Variants in ADCY3 observed in about 807,000 individuals in gnomAD.
ADCY3 encodes adenylate cyclase type 3.
Under a neutral mutation model 119.4 loss-of-function variants are expected in ADCY3, and 70 were observed. The observed-to-expected ratio is 0.59, with a 90% CI of 0.48 to 0.72. The LOEUF (loss-of-function observed/expected upper bound fraction) is 0.72, where lower values mean the gene tolerates loss of function less well. Ranked by LOEUF, ADCY3 falls within the 30% of genes least tolerant of loss-of-function variation. ADCY3 has a pLI of 0.00. For missense variants in ADCY3, 1,238 were observed against 1,541.6 expected, an observed-to-expected ratio of 0.80 and a Z score of 3.30; for synonymous variants, 672 against 621.4, an observed-to-expected ratio of 1.08 and a Z score of -1.21.
intron 3 of ADCY3, among the ~76,000 whole-genome samples, chr2:24,855,064 TAATAA>T (rs1452949440): frequency 6.6e-6 from 1 of 151,892 alleles, no homozygotes; most frequent in African/African-American, 2.4e-5. Context: ...CAAATAAAAA[TAATAA>T]AATAAAATGA....
chr2:24,827,977 G>A lies in ADCY3; in HGVS notation c.2357C>T (p.Ala786Val). Residue 786 changes from alanine to valine, a missense_variant, in exon 14 of 22, where the codon GCC becomes GTC. Transcript: ENST00000679454. ...KLTLMLLVAG[A>V]VATINLYAWR... ...GGCATAGAGGTTGATGGTGGCCACG[G>A]CGCCTGCGACGAGCAGCATGAGCGT... The A allele has an allele frequency of 6.2e-7, 1 of 1,614,252 alleles. No individual in the cohort carries two copies. The highest frequency in any genetic ancestry group is 8.5e-7 in the Non-Finnish European group (1 of 1,180,044).
chr2:24,825,315 T>G (rs1668421896), intron 16 of ADCY3, among the ~76,000 whole-genome samples: 1 of 117,002 alleles, frequency 8.5e-6, no homozygotes, highest in Admixed American at 8.1e-5. Flanking sequence ...TTTTGTCCGG[T>G]TGAGTGCGGT....
chr2:24,892,684 T>C (rs563841095), intron 2 of ADCY3, among the ~76,000 whole-genome samples: 8 of 152,234 alleles, frequency 5.3e-5, no homozygotes, highest in Non-Finnish European at 8.8e-5. Context: ...GCTTTGTCAT[T>C]AGGTGCATAC....
At chr2:24,832,411 A>G (rs1669720545) in intron 11 of ADCY3, among the ~76,000 whole-genome samples, 1 of 152,106 alleles carries the variant, frequency 6.6e-6, no homozygotes, top group South Asian at 2.1e-4. Flanking sequence ...CCGGGGGCTA[A>G]GAGTCTGCCT....
At position 24,918,424 on chromosome 2, in the gene ADCY3, G is replaced by A; in HGVS notation, c.564C>T (p.Ser188=). 1.2e-6 allele frequency: 2 copies of A among 1,613,992 alleles called. No individual in the cohort carries two copies. The highest frequency in any genetic ancestry group is 8.5e-7 in the Non-Finnish European group (1 of 1,180,036). ...SFFITLPLSL[S]PIVIISVVSC... is the part of the protein sequence containing the mutation. Reference sequence around the variant, plus strand: ...AGACCACGGAGATGATCACGATGGGGCTGAGGCTGAGGGGCAGCGTGATGA... The same window carrying A: ...AGACCACGGAGATGATCACGATGGGACTGAGGCTGAGGGGCAGCGTGATGA... Residue 188 remains serine (S), a synonymous_variant, in exon 2 of 22, where the codon AGC becomes AGT. Coordinates refer to ENST00000679454, the MANE Select transcript of ADCY3 (RefSeq NM_004036.5). The surrounding 1 kb of genome is among the most constrained non-coding windows in gnomAD (Gnocchi z 5.4).
chr2:24,871,730 G>C (rs1434750316), intron 3 of ADCY3, among the ~76,000 whole-genome samples: 1 of 152,252 alleles, frequency 6.6e-6, no homozygotes, highest in Non-Finnish European at 1.5e-5. Context: ...TATTGAGTTT[G>C]TTTTTGAAGG....
In ADCY3 at chr2:24,853,008, GTGTGTGTGTGTGTGTGTGTGTGTGTGTGT is replaced by G. The variant is rs1672541331; in HGVS notation, c.826-10653_826-10625del. Among the ~76,000 whole-genome samples the G allele has an allele frequency of 1.6e-3, 139 of 87,592 alleles. 1 individual carries two copies. The highest frequency in any genetic ancestry group is 4.3e-3 in the Admixed American group (28 of 6,498). 57.5% of individuals were successfully genotyped at this position (87,592 alleles called of 152,430 possible). A position where few individuals can be genotyped will look rare whatever the true frequency, so the allele number is the denominator to read the frequency against. ...TGAAGGAAAGGAACAGCTGGAGGGT[GTGTGTGTGTGTGTGTGTGTGTGTGTGTGT>G]GTGTGTGTGTGTGTGTGTGTGTGTG... On this transcript the variant is annotated intron_variant, in intron 3 of 21. Coordinates refer to ENST00000679454, the MANE Select transcript of ADCY3 (RefSeq NM_004036.5).
intron 2 of ADCY3, among the ~76,000 whole-genome samples, chr2:24,874,200 C>T (rs923865455): frequency 5.3e-5 from 8 of 152,190 alleles, no homozygotes; most frequent in Non-Finnish European, 1.0e-4. Flanking sequence ...GGGCCCGTTG[C>T]GTGACGAATC....
intron 16 of ADCY3, 95 bp downstream of exon 16, chr2:24,825,950 T>TC (rs1668559676): frequency 9.8e-6 from 12 of 1,218,568 alleles, no homozygotes; most frequent in Non-Finnish European, 1.4e-5. Context: ...GAAGCCCCAT[T>TC]CCTTAGGAGC....
chr2:24,880,464 G>T (rs1444120704), intron 2 of ADCY3, among the ~76,000 whole-genome samples: 1 of 152,218 alleles, frequency 6.6e-6, no homozygotes, highest in Non-Finnish European at 1.5e-5. Flanking sequence ...CTATTTCAGG[G>T]ATCCAAGGCT....
chr2:24,853,500 C>T (rs573625710), intron 3 of ADCY3, among the ~76,000 whole-genome samples: 25 of 128,608 alleles, frequency 1.9e-4, no homozygotes, highest in Non-Finnish European at 3.8e-4. Context: ...GAGATGGCAT[C>T]GCTCTGTCAC....
chr2:24,919,077 A>G lies in ADCY3; in HGVS notation c.-90T>C. The G allele has an allele frequency of 7.3e-7, 1 of 1,366,228 alleles. No homozygotes were observed. Among genetic ancestry groups the G allele is most frequent in the Non-Finnish European group, 9.7e-7 (1 of 1,030,470 alleles). 84.6% of individuals were successfully genotyped at this position (1,366,228 alleles called of 1,614,324 possible). On this transcript the variant is annotated 5_prime_UTR_variant, in exon 2 of 22. Coordinates refer to ENST00000679454, the MANE Select transcript of ADCY3 (RefSeq NM_004036.5). The surrounding 1 kb of genome is among the most constrained non-coding windows in gnomAD (Gnocchi z 5.5). The stretch of plus-strand genomic sequence containing the variant: ...GGGCCTCCTCTCAGGGCTCTCTGAG[A>G]CCGGGGGAGGGCTGAGGGCCTCTTC...
chr2:24,855,740 C>T (rs1672919143), intron 3 of ADCY3, among the ~76,000 whole-genome samples: 1 of 152,200 alleles, frequency 6.6e-6, no homozygotes, highest in Non-Finnish European at 1.5e-5. Flanking sequence ...GCACCCAGGC[C>T]TGCAGTGGGG....
chr2:24,873,876 G>C (rs1675326658), intron 2 of ADCY3, among the ~76,000 whole-genome samples: 1 of 152,236 alleles, frequency 6.6e-6, no homozygotes, highest in African/African-American at 2.4e-5. Flanking sequence ...GTTTGGAGTT[G>C]AGAAATGAGA....
chr2:24,914,970 C>G (rs1210806459), intron 2 of ADCY3, among the ~76,000 whole-genome samples: 2 of 152,208 alleles, frequency 1.3e-5, no homozygotes, highest in Non-Finnish European at 2.9e-5. Flanking sequence ...TGGCCTCCTG[C>G]GAGGAGCCCA....
At chr2:24,910,678 G>A (rs975298830) in intron 2 of ADCY3, among the ~76,000 whole-genome samples, 550 of 53,724 alleles carry the variant, frequency 0.01, 4 homozygotes, top group African/African-American at 0.035. Context: ...TTTTTTTTTT[G>A]TGAGACAGAG....
chr2:24,836,939 T>G lies in ADCY3; in HGVS notation c.1640A>C (p.Lys547Thr). The G allele has an allele frequency of 6.2e-7, 1 of 1,613,478 alleles. No individual in the cohort carries two copies. The highest frequency in any genetic ancestry group is 8.5e-7 in the Non-Finnish European group (1 of 1,179,990). ...SAHSSGSTSE[K>T]PEEQDAQADN... Reference sequence around the variant, plus strand: ...TACCTGGGCATCCTGCTCCTCGGGCTTCTCCGACGTGGACCCACTGCTGTG... The same window carrying G: ...TACCTGGGCATCCTGCTCCTCGGGCGTCTCCGACGTGGACCCACTGCTGTG... Residue 547 changes from lysine (K) to threonine (T), a missense_variant, in exon 9 of 22, where the codon AAG becomes ACG. Transcript: ENST00000679454.
chr2:24,820,781 G>A lies in ADCY3; in HGVS notation c.3195C>T (p.Gly1065=). The change falls in exon 21 of 22, where the codon GGC becomes GGT. Residue 1065 remains glycine, a synonymous_variant. Transcript: ENST00000679454. The stretch of plus-strand genomic sequence containing the variant: ...TCCTGCTGGCTACATTGACTGTATT[G>A]CCCCAGATGTCGTAGTGTGGTTTCC... The part of the protein sequence containing the change: ...GARKPHYDIW[G]NTVNVASRME... 1 of 1,614,028 alleles carries A rather than the reference G, an allele frequency of 6.2e-7. No individual in the cohort carries two copies. Among genetic ancestry groups the A allele is most frequent in the Non-Finnish European group, 8.5e-7 (1 of 1,179,998 alleles).
intron 2 of ADCY3, among the ~76,000 whole-genome samples, chr2:24,903,235 T>C (rs1679121353): frequency 1.3e-5 from 2 of 152,086 alleles, no homozygotes; most frequent in African/African-American, 4.8e-5. Flanking sequence ...AAGGGTCAAC[T>C]GTATGCTGAA....
Sources: gnomAD v4.1 joint callset for allele counts (sites outside exome capture counted in the v4.1 genomes callset) on GRCh38, gnomAD v4.1.1 for gene constraint, Gnocchi (gnomAD v3.1) non-coding constraint, MANE v1.5 for transcripts, NCBI Gene and HGNC (gene_info 2026-07-23, HGNC 2026-07-21) for gene names.